Variants in POC5 observed in about 807,000 individuals in gnomAD.
POC5 encodes POC5 centriolar protein, also known as centrosomal protein POC5.
POC5 carries 48 observed loss-of-function variants against 62.9 expected under a neutral mutation model. The observed-to-expected ratio is 0.76, with a 90% CI of 0.61 to 0.97. The LOEUF (loss-of-function observed/expected upper bound fraction) is 0.97, where lower values mean the gene tolerates loss of function less well. POC5 is among the 50% of genes least tolerant of loss of function. The pLI is 0.00. For missense variants in POC5, 696 were observed against 679.5 expected (o/e 1.02, Z -0.27); for synonymous variants, 236 against 228.2 (o/e 1.03, Z -0.31).
intron 4 of POC5, 49 bp downstream of exon 4, chr5:75,705,655 A>G (rs1777084742): frequency 1.7e-6 from 2 of 1,184,002 alleles, no homozygotes; most frequent in African/African-American, 1.6e-5. Context: ...TATTCATCAA[A>G]CCACAAAATG....
intron 10 of POC5, 112 bp downstream of exon 10, chr5:75,685,095 C>T: frequency 8.6e-7 from 1 of 1,158,626 alleles, no homozygotes; most frequent in Non-Finnish European, 1.2e-6. Flanking sequence ...TCTCGATCTC[C>T]TGACCTCGTG....
At chr5:75,688,080 A>G (rs183610531) in intron 9 of POC5, among the ~76,000 whole-genome samples, 76 of 152,316 alleles carry the variant, frequency 5.0e-4, no homozygotes, top group Non-Finnish European at 9.1e-4. Flanking sequence ...ACTTACTCCT[A>G]TCCACAATAT....
chr5:75,714,913 G>T (rs1021632276), intron 1 of POC5, among the ~76,000 whole-genome samples: 3 of 152,056 alleles, frequency 2.0e-5, no homozygotes, highest in African/African-American at 7.2e-5. Flanking sequence ...TGGCATAATG[G>T]GAACTGCTGA....
Position 75,717,350 on chromosome 5 carries a change from T to G in POC5, c.-59A>C, listed in dbSNP as rs1214372556. On this transcript the variant is annotated 5_prime_UTR_variant, in exon 1 of 12. Coordinates refer to ENST00000428202, the MANE Select transcript of POC5 (RefSeq NM_001099271.2). The stretch of plus-strand genomic sequence containing the variant: ...ATCCCGACTCCTCGCTCTGCGCCTC[T>G]TAGCCGCGTCGCAGCTGCAGTGTCA... 6.6e-6 allele frequency: 1 copy of G among 152,272 alleles called. No homozygotes were observed. The allele number at this position is 152,272 out of a possible 1,614,324, so 9.4% of individuals were successfully genotyped here.
rs1460921211 is a variant in POC5, at chr5:75,694,884, T to C, written c.514-53A>G. 10 of 1,212,108 alleles carry C rather than the reference T, an allele frequency of 8.3e-6. No homozygotes were observed. In the East Asian group the frequency reaches 1.7e-4, roughly 21 times the overall value. 75.1% of individuals were successfully genotyped at this position (1,212,108 alleles called of 1,614,324 possible). A position where few individuals can be genotyped will look rare whatever the true frequency, so the allele number is the denominator to read the frequency against. On this transcript the variant is annotated intron_variant, in intron 5 of 11. Coordinates refer to ENST00000428202, the MANE Select transcript of POC5 (RefSeq NM_001099271.2). The stretch of plus-strand genomic sequence containing the variant: ...GTAGTTTGTTCGTTAATATCACTTC[T>C]TAAAACTACACTGAAATAAAGAAAC...
At chr5:75,717,106 T>A (rs896135781) in intron 1 of POC5, among the ~76,000 whole-genome samples, 200 bp downstream of exon 1, 13 of 152,328 alleles carry the variant, frequency 8.5e-5, no homozygotes, top group South Asian at 2.1e-4. Flanking sequence ...TCGCTCAGCA[T>A]CCCTCACTCC....
Position 75,692,151 on chromosome 5 carries a change from T to A in POC5, c.795+245A>T, listed in dbSNP as rs6867386. On this transcript the variant is annotated intron_variant, in intron 7 of 11. Coordinates refer to ENST00000428202, the MANE Select transcript of POC5 (RefSeq NM_001099271.2). ...CAGGGCCTTTACAATTTAGGAACAA[T>A]CCTTATTAACCTACTATGAAGCAGG... 0.049 allele frequency among the ~76,000 whole-genome samples: 7,501 copies of A among 152,164 alleles called. 639 individuals carry two copies. The highest frequency in any genetic ancestry group is 0.17 in the African/African-American group (7,109 of 41,484).
intron 10 of POC5, among the ~76,000 whole-genome samples, chr5:75,682,297 T>C (rs189788036): frequency 6.6e-6 from 1 of 152,218 alleles, no homozygotes; most frequent in Non-Finnish European, 1.5e-5. Context: ...TAAATGCAGA[T>C]GTACCCATGA....
chr5:75,707,857 G>A lies in POC5; in HGVS notation c.103C>T (p.Leu35Phe). The A allele has an allele frequency of 1.3e-6, 2 of 1,586,584 alleles. No homozygotes were observed. The highest frequency in any genetic ancestry group is 1.7e-6 in the Non-Finnish European group (2 of 1,161,722). ...TTTGGAGTCACTATAGCATAATGAA[G>A]CAGTTCTTCATATTCTTCCTAAGAG... ...SNLQEEYEELLHYAIVTPNIE... is the reference protein window; with the variant it reads ...SNLQEEYEELFHYAIVTPNIE... Residue 35 changes from leucine (L) to phenylalanine (F), a missense_variant, in exon 3 of 12, where the codon CTT becomes TTT. Transcript: ENST00000428202.
chr5:75,701,480 C>T (rs377290437), intron 5 of POC5, among the ~76,000 whole-genome samples: 1 of 133,180 alleles, frequency 7.5e-6, no homozygotes, highest in Admixed American at 7.6e-5. Flanking sequence ...ACAAAAAACC[C>T]AACACCGCAT....
intron 3 of POC5, chr5:75,707,466 C>A (rs1777172763): frequency 7.1e-6 from 2 of 281,394 alleles, no homozygotes; most frequent in Admixed American, 4.6e-5. Flanking sequence ...TACAACATAC[C>A]AAAAAGCCAT....
chr5:75,710,516 C>T (rs1338119907), intron 2 of POC5, among the ~76,000 whole-genome samples: 1 of 152,138 alleles, frequency 6.6e-6, no homozygotes, highest in Non-Finnish European at 1.5e-5. Flanking sequence ...CTTGTGCATG[C>T]TCTCCTCCCA....
At chr5:75,717,051 T>C (rs1742622754) in intron 1 of POC5, among the ~76,000 whole-genome samples, 1 of 152,226 alleles carries the variant, frequency 6.6e-6, no homozygotes, top group Non-Finnish European at 1.5e-5. Flanking sequence ...TACATGGTTA[T>C]TTTTTCTCAA....
At chr5:75,689,297 T>C in intron 8 of POC5, 132 bp from the exon 9 acceptor site, 3 of 1,327,334 alleles carry the variant, frequency 2.3e-6, no homozygotes, top group Non-Finnish European at 2.9e-6. Flanking sequence ...TCTTCTGCTA[T>C]GTGCAATTTA....
In POC5 at chr5:75,696,650, C is replaced by T. The variant is rs1320756937; in HGVS notation, c.514-1819G>A. On this transcript the variant is annotated intron_variant, in intron 5 of 11. Transcript: ENST00000428202. Reference sequence around the variant, plus strand: ...AAACTGGAAACTCTAAAAAGCAGAGCGACTCTCCTCCTCCAAAGGATCGCA... The same window carrying T: ...AAACTGGAAACTCTAAAAAGCAGAGTGACTCTCCTCCTCCAAAGGATCGCA... Among the ~76,000 whole-genome samples, 7 of 152,260 alleles carry T rather than the reference C, an allele frequency of 4.6e-5. No homozygotes were observed. The South Asian group carries it at 6.2e-4, about 14-fold the overall frequency.
intron 1 of POC5, among the ~76,000 whole-genome samples, chr5:75,713,389 C>T (rs1206630348): frequency 2.0e-5 from 3 of 152,190 alleles, no homozygotes; most frequent in Non-Finnish European, 2.9e-5. Flanking sequence ...CAAATATATG[C>T]ATAGAGAATT....
At chr5:75,708,226 AGTT>A (rs1401101201) in intron 2 of POC5, among the ~76,000 whole-genome samples, 1 of 152,160 alleles carries the variant, frequency 6.6e-6, no homozygotes, top group Non-Finnish European at 1.5e-5. Context: ...GTGTGCCTGT[AGTT>A]GTAGCTACTC....
chr5:75,695,468 C>T (rs1776521911), intron 5 of POC5, among the ~76,000 whole-genome samples: 1 of 151,918 alleles, frequency 6.6e-6, no homozygotes, highest in African/African-American at 2.4e-5. Flanking sequence ...GAAACCTGTT[C>T]CAAGGGGGGA....
At chr5:75,689,225 A>C in intron 8 of POC5, 60 bp from the exon 9 acceptor site, 1 of 1,453,430 alleles carries the variant, frequency 6.9e-7, no homozygotes, top group Non-Finnish European at 9.1e-7. Flanking sequence ...ATACTGTCAA[A>C]AAAATAGATA....
Sources: allele counts gnomAD v4.1 joint callset (sites outside exome capture counted in the v4.1 genomes callset), GRCh38; gene constraint gnomAD v4.1.1; transcripts MANE v1.5; gene names NCBI Gene and HGNC (gene_info 2026-07-23, HGNC 2026-07-21).